The following TPCN2 variants were observed in gnomAD, a reference collection of about 807,000 sequenced individuals.
The protein encoded by TPCN2 is two pore segment channel 2.
Under a neutral mutation model 111.4 loss-of-function variants are expected in TPCN2, and 92 were observed. The ratio of observed to expected loss-of-function variants is 0.83; its 90% CI spans 0.70 to 0.98. The LOEUF (loss-of-function observed/expected upper bound fraction) is 0.98. TPCN2 is among the 50% of genes least tolerant of loss of function. The probability of loss-of-function intolerance (pLI) is 0.00; values close to 1 mark genes in which losing one functional copy is unlikely to be tolerated. For missense variants in TPCN2, 995 were observed against 980.1 expected (o/e 1.02, Z -0.20); for synonymous variants, 405 against 414.5 (o/e 0.98, Z 0.28).
intron 1 of TPCN2, among the ~76,000 whole-genome samples, chr11:69,049,398 G>A (rs796515122): frequency 1.2e-4 from 18 of 152,340 alleles, no homozygotes; most frequent in African/African-American, 4.1e-4. Flanking sequence ...AGCCCCGAGG[G>A]AACCGGCCAC....
chr11:69,080,141 G>C (rs1379308746), intron 17 of TPCN2, among the ~76,000 whole-genome samples: 1 of 152,240 alleles, frequency 6.6e-6, no homozygotes, highest in African/African-American at 2.4e-5. Flanking sequence ...CCTTGGAGAT[G>C]CCCTCCCGGG....
intron 7 of TPCN2, among the ~76,000 whole-genome samples, chr11:69,066,725 C>T (rs1438764977): frequency 6.6e-6 from 1 of 152,174 alleles, no homozygotes; most frequent in Non-Finnish European, 1.5e-5. Flanking sequence ...GTGCCAAGTC[C>T]CGCTGTGCCA....
At position 69,069,832 on chromosome 11, in the gene TPCN2, G is replaced by A. The variant is rs1039349786; in HGVS notation, c.830-598G>A. On this transcript the variant is annotated intron_variant, in intron 8 of 24. Coordinates refer to ENST00000294309, the MANE Select transcript of TPCN2 (RefSeq NM_139075.4). The stretch of plus-strand genomic sequence containing the variant: ...CTAGGAAGTGACTGCAGGGGGAGCA[G>A]GACTGACTGTGGGGAGGGCTGCAGG... Among the ~76,000 whole-genome samples the A allele has an allele frequency of 3.1e-5, 4 of 128,764 alleles. 1 individual carries two copies. The Admixed American group carries it at 3.3e-4, about 11-fold the overall frequency. 84.5% of individuals were successfully genotyped at this position (128,764 alleles called of 152,430 possible).
intron 17 of TPCN2, among the ~76,000 whole-genome samples, chr11:69,080,101 C>G (rs151055002): frequency 1.3e-5 from 2 of 152,230 alleles, no homozygotes; most frequent in Admixed American, 1.3e-4. Flanking sequence ...GCTGGCACCC[C>G]GCAGGCTGTG....
chr11:69,067,896 C>A (rs899058741), intron 8 of TPCN2, among the ~76,000 whole-genome samples: 1 of 152,120 alleles, frequency 6.6e-6, no homozygotes, highest in Non-Finnish European at 1.5e-5. Context: ...TCCTCTTCCT[C>A]CTTGTCTACT....
At chr11:69,060,301 G>T (rs1402078500) in intron 5 of TPCN2, among the ~76,000 whole-genome samples, 11 of 152,250 alleles carry the variant, frequency 7.2e-5, no homozygotes, top group Admixed American at 7.2e-4. Flanking sequence ...GCGTGTGTGT[G>T]TTTCCGGCTG....
intron 1 of TPCN2, among the ~76,000 whole-genome samples, chr11:69,050,956 G>A (rs779730686): frequency 6.6e-6 from 1 of 152,248 alleles, no homozygotes; most frequent in Non-Finnish European, 1.5e-5. Context: ...TTCTGAGAAC[G>A]TGGACAGGAC....
intron 5 of TPCN2, among the ~76,000 whole-genome samples, chr11:69,058,046 C>T (rs1283659763): frequency 2.6e-5 from 4 of 152,240 alleles, no homozygotes; most frequent in Non-Finnish European, 5.9e-5. Flanking sequence ...AGGGCCTCAC[C>T]ATGCCCCGTA....
intron 1 of TPCN2, among the ~76,000 whole-genome samples, chr11:69,050,328 C>T (rs1003395901): frequency 3.3e-5 from 5 of 152,162 alleles, no homozygotes; most frequent in Admixed American, 2.0e-4. Context: ...GGGGTCTGGG[C>T]GCCTTTCTGG....
chr11:69,069,232 AC>A (rs1855406618), intron 8 of TPCN2, among the ~76,000 whole-genome samples: 2 of 120,932 alleles, frequency 1.7e-5, no homozygotes, highest in African/African-American at 3.2e-5. Flanking sequence ...CTAGGAAGTG[AC>A]CGCAGTGGGA....
At chr11:69,081,526 C>T (rs1343512685) in intron 18 of TPCN2, 27 bp downstream of exon 18, 2 of 1,496,308 alleles carry the variant, frequency 1.3e-6, no homozygotes, top group Non-Finnish European at 1.8e-6. Context: ...CCCCCACTCG[C>T]CCCACCCTCC....
At chr11:69,078,197 G>A (rs376228424) in intron 13 of TPCN2, among the ~76,000 whole-genome samples, 138 of 151,160 alleles carry the variant, frequency 9.1e-4, no homozygotes, top group African/African-American at 2.9e-3. Context: ...GACACTTTGC[G>A]TATGTTTCAG....
At chr11:69,059,845 C>G (rs896333855) in intron 5 of TPCN2, among the ~76,000 whole-genome samples, 1 of 152,206 alleles carries the variant, frequency 6.6e-6, no homozygotes, top group Non-Finnish European at 1.5e-5. Context: ...GGGGCTGTCT[C>G]GGGCTGGTAC....
chr11:69,068,069 C>T (rs1379033155), intron 8 of TPCN2, among the ~76,000 whole-genome samples: 4 of 151,872 alleles, frequency 2.6e-5, no homozygotes, highest in African/African-American at 4.8e-5. Flanking sequence ...CATGTGAGGG[C>T]CAAGGGTCTT....
Position 69,089,834 on chromosome 11 carries a change from G to T in TPCN2, c.*1881G>T, listed in dbSNP as rs1856386894. On this transcript the variant is annotated 3_prime_UTR_variant, in exon 25 of 25. Coordinates refer to ENST00000294309, the MANE Select transcript of TPCN2 (RefSeq NM_139075.4). ...GATCCTGGTCCCTTCTTGTATTCAG[G>T]GCTGTGGTCTGTTATGACATTTACT... The T allele has an allele frequency of 6.6e-6, 1 of 151,016 alleles. No homozygotes were observed. The highest frequency in any genetic ancestry group is 1.5e-5 in the Non-Finnish European group (1 of 67,702). The allele number at this position is 151,016 out of a possible 1,614,324, so 9.4% of individuals were successfully genotyped here. A position where few individuals can be genotyped will look rare whatever the true frequency, so the allele number is the denominator to read the frequency against.
At chr11:69,053,077 G>A (rs1034743059) in intron 1 of TPCN2, among the ~76,000 whole-genome samples, 3 of 152,362 alleles carry the variant, frequency 2.0e-5, no homozygotes, top group East Asian at 1.9e-4. Context: ...GACCAGGTGC[G>A]CCCGCTGGCT....
intron 13 of TPCN2, 86 bp downstream of exon 13, chr11:69,073,087 G>A: frequency 1.0e-6 from 1 of 999,950 alleles, no homozygotes; most frequent in South Asian, 1.3e-5. Flanking sequence ...CTCTTCTAAT[G>A]ATCAGTGCTG....
Position 69,071,927 on chromosome 11 carries a change from C to G in TPCN2, c.965C>G (p.Ser322Cys). Residue 322 changes from serine (S) to cysteine (C), a missense_variant, in exon 11 of 25, where the codon TCT becomes TGT. Physicochemically the swap from Ser to Cys is moderately radical, Grantham distance 112. Coordinates refer to ENST00000294309, the MANE Select transcript of TPCN2 (RefSeq NM_139075.4). ...YSQFRGYLMK[S>C]LQTSLFRRRL... ...TCATAGCCTTCCTCTTTGCAGAAAT[C>G]TCTCCAGACCTCGCTGTTTCGGAGG... 1 of 1,613,796 alleles carries G rather than the reference C, an allele frequency of 6.2e-7. No individual in the cohort carries two copies. The highest frequency in any genetic ancestry group is 8.5e-7 in the Non-Finnish European group (1 of 1,179,900).
chr11:69,074,714 G>C (rs1022522148), intron 13 of TPCN2, among the ~76,000 whole-genome samples: 1 of 152,116 alleles, frequency 6.6e-6, no homozygotes, highest in Non-Finnish European at 1.5e-5. Flanking sequence ...GAAGGTGTTC[G>C]TATGTTAGCT....
Sources: allele counts gnomAD v4.1 joint callset (sites outside exome capture counted in the v4.1 genomes callset), GRCh38; gene constraint gnomAD v4.1.1; transcripts MANE v1.5; gene names NCBI Gene and HGNC (gene_info 2026-07-23, HGNC 2026-07-21).